Variants in CAST observed in about 807,000 individuals in gnomAD.
CAST encodes the protein calpastatin.
A neutral mutation model predicts 119.6 loss-of-function variants in CAST; 76 were observed. The ratio of observed to expected loss-of-function variants is 0.64; its 90% CI spans 0.53 to 0.77. The LOEUF (loss-of-function observed/expected upper bound fraction) is 0.77. CAST is among the 30% of genes least tolerant of loss of function. The pLI is 0.00. For synonymous variants in CAST, 319 were observed against 331.6 expected (o/e 0.96, Z 0.41); for missense variants, 953 against 946.5 (o/e 1.01, Z -0.09).
chr5:96,733,428 T>G (rs192982150), intron 9 of CAST, among the ~76,000 whole-genome samples: 80 of 152,306 alleles, frequency 5.3e-4, no homozygotes, highest in South Asian at 4.1e-3. Flanking sequence ...TAATCAAAAT[T>G]TACAGTTTTG....
the CAST span, among the ~76,000 whole-genome samples, chr5:96,072,648 T>C: frequency 1.3e-5 from 2 of 152,328 alleles, no homozygotes; most frequent in South Asian, 2.1e-4. Flanking sequence ...CTGTGTACTT[T>C]CTGGTGTGTT....
At chr5:96,576,628 A>AG (rs1395802252) in intron 1 of CAST, among the ~76,000 whole-genome samples, 23 of 151,974 alleles carry the variant, frequency 1.5e-4, no homozygotes, top group African/African-American at 5.3e-4. Flanking sequence ...TACAGGTGTG[A>AG]GCCACCGCAC....
intron 1 of CAST, among the ~76,000 whole-genome samples, chr5:96,534,753 GAA>G (rs796671428): frequency 0.13 from 5,703 of 44,214 alleles, 602 homozygotes; most frequent in Non-Finnish European, 0.17. Flanking sequence ...AAGAAAGAAA[GAA>G]AGAAAGAAAG....
the CAST span, among the ~76,000 whole-genome samples, chr5:96,271,720 A>T: frequency 1.3e-5 from 2 of 152,100 alleles, no homozygotes; most frequent in African/African-American, 4.8e-5. Flanking sequence ...TTTAGGTAAG[A>T]TCTCAAAGCA....
chr5:96,291,074 A>G, the CAST span, among the ~76,000 whole-genome samples: 1 of 152,236 alleles, frequency 6.6e-6, no homozygotes, highest in African/African-American at 2.4e-5. Context: ...CAAGGTGAAC[A>G]TACTAGCCAT....
chr5:96,703,211 C>G (rs961425173), intron 3 of CAST, among the ~76,000 whole-genome samples: 1 of 150,798 alleles, frequency 6.6e-6, no homozygotes, highest in Non-Finnish European at 1.5e-5. Context: ...TTTGTGTGGC[C>G]CGGTACAAGT....
the CAST span, among the ~76,000 whole-genome samples, chr5:96,290,299 T>G: frequency 1.3e-5 from 2 of 152,222 alleles, no homozygotes; most frequent in Non-Finnish European, 2.9e-5. Flanking sequence ...CACTAGTTAC[T>G]GTTGGGAATT....
At chr5:96,362,994 A>T in the CAST span, among the ~76,000 whole-genome samples, 2 of 150,814 alleles carry the variant, frequency 1.3e-5, no homozygotes, top group Non-Finnish European at 1.5e-5. Flanking sequence ...TTTAATCCAT[A>T]TTGAATTAAT....
At chr5:96,325,394 TTTC>T in the CAST span, among the ~76,000 whole-genome samples, 8 of 151,606 alleles carry the variant, frequency 5.3e-5, no homozygotes, top group Non-Finnish European at 1.2e-4. Context: ...TCTTTCTTTC[TTTC>T]TTTTCTTTCT....
the CAST span, among the ~76,000 whole-genome samples, chr5:96,387,573 A>G: frequency 4.6e-5 from 7 of 152,220 alleles, no homozygotes; most frequent in African/African-American, 9.7e-5. Context: ...CTCAAAATTT[A>G]TACTATTCAG....
At chr5:96,747,817 A>T (rs1764095819) in intron 18 of CAST, among the ~76,000 whole-genome samples, 2 of 152,138 alleles carry the variant, frequency 1.3e-5, no homozygotes, top group Non-Finnish European at 2.9e-5. Context: ...CTTTTTGGAT[A>T]TTATCTTTGT....
At chr5:96,187,602 C>T in the CAST span, among the ~76,000 whole-genome samples, 2 of 152,098 alleles carry the variant, frequency 1.3e-5, no homozygotes, top group Non-Finnish European at 2.9e-5. Flanking sequence ...TCATTGTTTA[C>T]CCAAGAGTCA....
chr5:96,446,932 C>T, the CAST span, among the ~76,000 whole-genome samples: 768 of 152,254 alleles, frequency 5.0e-3, 8 homozygotes, highest in African/African-American at 0.018. Flanking sequence ...AGCTTCCTGT[C>T]GTTTGGGGGA....
chr5:96,675,695 T>C (rs998794091), intron 2 of CAST, 94 bp downstream of exon 2: 1 of 883,268 alleles, frequency 1.1e-6, no homozygotes, highest in Non-Finnish European at 1.8e-6. Flanking sequence ...AAAGAGCTTC[T>C]ACCTTGCTTA....
At chr5:96,686,480 G>C (rs879279124) in intron 2 of CAST, among the ~76,000 whole-genome samples, 5 of 152,122 alleles carry the variant, frequency 3.3e-5, no homozygotes, top group Non-Finnish European at 7.4e-5. Flanking sequence ...CAGTGTGGGG[G>C]GTGCAGGAAG....
intron 1 of CAST, among the ~76,000 whole-genome samples, chr5:96,590,327 C>T (rs1338955200): frequency 6.6e-6 from 1 of 152,184 alleles, no homozygotes; most frequent in African/African-American, 2.4e-5. Context: ...AACATTGATA[C>T]TTGGAAGGGC....
chr5:96,119,430 T>G, the CAST span, among the ~76,000 whole-genome samples: 3 of 152,278 alleles, frequency 2.0e-5, 1 homozygote, highest in Admixed American at 2.0e-4. Context: ...TGGGAAGACC[T>G]GGGATCTCTA....
the CAST span, among the ~76,000 whole-genome samples, chr5:96,302,745 A>G: frequency 6.6e-6 from 1 of 152,204 alleles, no homozygotes; most frequent in African/African-American, 2.4e-5. Flanking sequence ...TCCAGTTCCC[A>G]ATAAATTTCT....
the CAST span, among the ~76,000 whole-genome samples, chr5:96,211,669 A>C: frequency 2.6e-5 from 4 of 152,008 alleles, no homozygotes; most frequent in African/African-American, 9.7e-5. Flanking sequence ...TGAATTAGGC[A>C]TGTTATCTTA....
Sources: allele counts gnomAD v4.1 joint callset (sites outside exome capture counted in the v4.1 genomes callset), GRCh38; gene constraint gnomAD v4.1.1; transcripts MANE v1.5; gene names NCBI Gene and HGNC (gene_info 2026-07-23, HGNC 2026-07-21).